PTPRN2: variants seen among roughly 807,000 people sequenced by gnomAD.
PTPRN2 encodes the protein protein tyrosine phosphatase receptor type N2, also known as receptor-type tyrosine-protein phosphatase N2.
Under a neutral mutation model 118.8 loss-of-function variants are expected in PTPRN2, and 74 were observed. That is an observed-to-expected ratio of 0.62 (90% CI 0.52 to 0.76). The LOEUF (loss-of-function observed/expected upper bound fraction) is 0.76, where lower values mean the gene tolerates loss of function less well. Ranked by LOEUF, PTPRN2 falls within the 30% of genes least tolerant of loss-of-function variation. The probability of loss-of-function intolerance (pLI) is 0.00; values close to 1 mark genes in which losing one functional copy is unlikely to be tolerated. For missense variants in PTPRN2, 1,481 were observed against 1,394.4 expected, an observed-to-expected ratio of 1.06 and a Z score of -0.99; for synonymous variants, 641 against 608.0, an observed-to-expected ratio of 1.05 and a Z score of -0.80.
At chr7:158,194,206 G>A (rs145955013) in intron 4 of PTPRN2, among the ~76,000 whole-genome samples, 9 of 152,320 alleles carry the variant, frequency 5.9e-5, no homozygotes, top group South Asian at 2.1e-4. Flanking sequence ...GTATGTGTGC[G>A]CCTGCACGCA....
At chr7:157,989,664 C>T (rs1410519218) in intron 11 of PTPRN2, among the ~76,000 whole-genome samples, 4 of 150,460 alleles carry the variant, frequency 2.7e-5, no homozygotes, top group African/African-American at 9.8e-5. Context: ...TGCTGGACAC[C>T]ATGGTCTGGG....
chr7:158,400,315 A>G (rs1812837405), intron 2 of PTPRN2, among the ~76,000 whole-genome samples: 1 of 152,032 alleles, frequency 6.6e-6, no homozygotes, highest in Non-Finnish European at 1.5e-5. Flanking sequence ...CACAGAACCC[A>G]TGCTGTCCCA....
intron 9 of PTPRN2, among the ~76,000 whole-genome samples, chr7:158,124,903 C>T (rs549384720): frequency 6.6e-6 from 1 of 152,250 alleles, no homozygotes; most frequent in Admixed American, 6.5e-5. Flanking sequence ...ACGTGCACGG[C>T]GGGTGAGAAA....
chr7:158,206,940 C>T (rs1827200627), intron 3 of PTPRN2, among the ~76,000 whole-genome samples: 1 of 138,368 alleles, frequency 7.2e-6, no homozygotes, highest in Non-Finnish European at 1.6e-5. Context: ...GTATATCTCC[C>T]AATGCTATCC....
At position 157,627,381 on chromosome 7, in the gene PTPRN2, C is replaced by G. The variant is rs1347578028; in HGVS notation, c.2197-5872G>C. Among the ~76,000 whole-genome samples, 5 of 152,210 alleles carry G rather than the reference C, an allele frequency of 3.3e-5. No homozygotes were observed. Among genetic ancestry groups the G allele is most frequent in the Admixed American group, 2.0e-4 (3 of 15,282 alleles). Reference sequence around the variant, plus strand: ...GTGAAGGCGGGATTGCACCACAATGCGTGCTCACATCAGGAAATCCATGAA... The same window carrying G: ...GTGAAGGCGGGATTGCACCACAATGGGTGCTCACATCAGGAAATCCATGAA... On this transcript the variant is annotated intron_variant, in intron 14 of 22. Transcript: ENST00000389418. The surrounding 1 kb of genome is among the most constrained non-coding windows in gnomAD (Gnocchi z 4.2).
At chr7:158,071,051 A>C (rs373603270) in intron 11 of PTPRN2, among the ~76,000 whole-genome samples, 55 of 24,252 alleles carry the variant, frequency 2.3e-3, no homozygotes, top group Admixed American at 0.015. Flanking sequence ...GGAGGTGCTC[A>C]TGGTGGTGGA....
intron 2 of PTPRN2, among the ~76,000 whole-genome samples, chr7:158,404,236 C>T (rs1015135502): frequency 7.2e-5 from 11 of 152,206 alleles, no homozygotes; most frequent in South Asian, 2.1e-4. Context: ...GGTGGGGACA[C>T]GTGCTGGAGG....
chr7:157,777,573 G>A (rs1233617886), intron 12 of PTPRN2, among the ~76,000 whole-genome samples: 1 of 152,244 alleles, frequency 6.6e-6, no homozygotes, highest in Non-Finnish European at 1.5e-5. Flanking sequence ...GTCATGTCCT[G>A]TCCCCCGGAC....
chr7:158,149,803 C>CAAA (rs33958927), intron 6 of PTPRN2, among the ~76,000 whole-genome samples: 29 of 121,684 alleles, frequency 2.4e-4, no homozygotes, highest in Non-Finnish European at 3.8e-4. Flanking sequence ...GAGTCCATCT[C>CAAA]AAAAAAAAAA....
intron 12 of PTPRN2, among the ~76,000 whole-genome samples, chr7:157,710,758 C>CA (rs540846911): frequency 2.7e-5 from 3 of 109,494 alleles, no homozygotes; most frequent in African/African-American, 8.6e-5. Context: ...CCTCAGCCCG[C>CA]CCATGTGCAG....
At chr7:157,604,964 C>T (rs1310565451) in intron 15 of PTPRN2, among the ~76,000 whole-genome samples, 2 of 152,270 alleles carry the variant, frequency 1.3e-5, no homozygotes, top group Non-Finnish European at 2.9e-5. Context: ...CCTCCCAACT[C>T]CCTGGTGTGT....
At chr7:158,557,282 C>T (rs930653478) in intron 1 of PTPRN2, among the ~76,000 whole-genome samples, 6 of 145,514 alleles carry the variant, frequency 4.1e-5, no homozygotes, top group African/African-American at 1.6e-4. Flanking sequence ...GGTCAGGCGG[C>T]TCCTGTGCAG....
At chr7:158,287,729 G>A (rs1799856211) in intron 3 of PTPRN2, among the ~76,000 whole-genome samples, 1 of 152,034 alleles carries the variant, frequency 6.6e-6, no homozygotes, top group Non-Finnish European at 1.5e-5. Context: ...TGTGTTTTGT[G>A]GCATAATGTG....
rs1194833974 is a variant in PTPRN2, at chr7:158,574,786, G to A, written c.112+12772C>T. On this transcript the variant is annotated intron_variant, in intron 1 of 22. Transcript: ENST00000389418. The surrounding 1 kb of genome is among the most constrained non-coding windows in gnomAD (Gnocchi z 4.6). The stretch of plus-strand genomic sequence containing the variant: ...CGGCAGCTTCCTCCACATGCATCAG[G>A]CTGCTGGACAGGCCTTGCTGGCACA... 6.6e-6 allele frequency among the ~76,000 whole-genome samples: 1 copy of A among 152,190 alleles called. No individual in the cohort carries two copies. Among genetic ancestry groups the A allele is most frequent in the Non-Finnish European group, 1.5e-5 (1 of 68,028 alleles).
At chr7:158,367,731 G>A (rs116882515) in intron 2 of PTPRN2, among the ~76,000 whole-genome samples, 2 of 152,278 alleles carry the variant, frequency 1.3e-5, no homozygotes, top group East Asian at 3.9e-4. Context: ...ACCCATCCAT[G>A]GCTATCAGAA....
chr7:158,337,375 TCTC>T (rs1805837221), intron 2 of PTPRN2, among the ~76,000 whole-genome samples: 3 of 105,728 alleles, frequency 2.8e-5, no homozygotes, highest in East Asian at 3.0e-4. Flanking sequence ...ACACCCACAC[TCTC>T]ACCATAAGAG....
chr7:158,316,791 G>GC, intron 3 of PTPRN2, 28 bp downstream of exon 3: 1 of 1,548,028 alleles, frequency 6.5e-7, no homozygotes, highest in Non-Finnish European at 8.7e-7. Flanking sequence ...TGCGGCAGCC[G>GC]CCGAGCCTCG....
chr7:158,270,762 ACCACCCCG>A (rs1798277732), intron 3 of PTPRN2, among the ~76,000 whole-genome samples: 1 of 140,902 alleles, frequency 7.1e-6, no homozygotes, highest in Non-Finnish European at 1.5e-5. Context: ...CTCCACCTGG[ACCACCCCG>A]TCCACCTGGA....
At chr7:158,149,944 T>G (rs1039840120) in intron 6 of PTPRN2, among the ~76,000 whole-genome samples, 3 of 151,972 alleles carry the variant, frequency 2.0e-5, no homozygotes, top group Non-Finnish European at 4.4e-5. Flanking sequence ...ATAAAACATA[T>G]GAAAAATAAA....
Sources: gnomAD v4.1 joint callset for allele counts (sites outside exome capture counted in the v4.1 genomes callset) on GRCh38, gnomAD v4.1.1 for gene constraint, Gnocchi (gnomAD v3.1) non-coding constraint, MANE v1.5 for transcripts, NCBI Gene and HGNC (gene_info 2026-07-23, HGNC 2026-07-21) for gene names.